Variants in ANKRD52 observed in about 807,000 individuals in gnomAD.
The protein encoded by ANKRD52 is ankyrin repeat domain 52.
ANKRD52 carries 7 observed loss-of-function variants against 116.0 expected under a neutral mutation model. That is an observed-to-expected ratio of 0.06 (90% CI 0.03 to 0.11). ANKRD52 has a LOEUF of 0.11. Ranked by LOEUF, ANKRD52 falls within the 10% of genes least tolerant of loss-of-function variation. The probability of loss-of-function intolerance (pLI) is 1.00; values close to 1 mark genes in which losing one functional copy is unlikely to be tolerated. For missense variants in ANKRD52, 839 were observed against 1,408.6 expected, an observed-to-expected ratio of 0.60 and a Z score of 6.47; for synonymous variants, 528 against 578.1, an observed-to-expected ratio of 0.91 and a Z score of 1.24.
At position 56,245,002 on chromosome 12, in the gene ANKRD52, G is replaced by A. The variant is rs1476332393; in HGVS notation, c.2493-13C>T. 9.3e-6 allele frequency: 15 copies of A among 1,613,800 alleles called. No individual in the cohort carries two copies. The highest frequency in any genetic ancestry group is 1.3e-5 in the Non-Finnish European group (15 of 1,179,766). On this transcript the variant is annotated splice_polypyrimidine_tract_variant and intron_variant, in intron 22 of 27. Transcript: ENST00000267116. ...TTGGTTATTAATCCTAGAGGAAGAG[G>A]GAGGAGGGGTCATCAGGAAGGACAA...
Position 56,244,642 on chromosome 12 carries a change from C to T in ANKRD52, c.2722+10G>A. 2 of 1,613,428 alleles carry T rather than the reference C, an allele frequency of 1.2e-6. No homozygotes were observed. Among genetic ancestry groups the T allele is most frequent in the Non-Finnish European group, 1.7e-6 (2 of 1,179,820 alleles). On this transcript the variant is annotated intron_variant, in intron 24 of 27. Coordinates refer to ENST00000267116, the MANE Select transcript of ANKRD52 (RefSeq NM_173595.4). This position sits in a 1 kb window ranked among gnomAD's most constrained non-coding sequence, Gnocchi z 4.9. Reference sequence around the variant, plus strand: ...GGAGCTCCTCCCTTCCACAAGTGGCCCCTACACACCCACAGCAGCGGTCTG... The same window carrying T: ...GGAGCTCCTCCCTTCCACAAGTGGCTCCTACACACCCACAGCAGCGGTCTG...
Position 56,239,473 on chromosome 12 carries a change from G to A in ANKRD52, c.*3669C>T, listed in dbSNP as rs1011746192. On this transcript the variant is annotated 3_prime_UTR_variant, in exon 28 of 28. Coordinates refer to ENST00000267116, the MANE Select transcript of ANKRD52 (RefSeq NM_173595.4). ...AGGGTTTCTGGGCTAGGGTCTGTAA[G>A]GCTATTTTCCTTTGCGGTGGGAAGG... is the stretch of plus-strand genomic sequence containing the variant. The A allele has an allele frequency of 6.6e-6, 1 of 152,256 alleles. No homozygotes were observed. The highest frequency in any genetic ancestry group is 6.5e-5 in the Admixed American group (1 of 15,274). 9.4% of individuals were successfully genotyped at this position (152,256 alleles called of 1,614,324 possible).
Position 56,253,930 on chromosome 12 carries a change from T to C in ANKRD52, c.907-130A>G, listed in dbSNP as rs1014822679. The stretch of plus-strand genomic sequence containing the variant: ...CATATGGCACCTTCTTAGCCCACTC[T>C]TTCCTGAGTCCCTGGCAAGGTCTGA... On this transcript the variant is annotated intron_variant, in intron 8 of 27. Transcript: ENST00000267116. This position sits in a 1 kb window ranked among gnomAD's most constrained non-coding sequence, Gnocchi z 5.5. 73 of 1,334,408 alleles carry C rather than the reference T, an allele frequency of 5.5e-5. No individual in the cohort carries two copies. Among genetic ancestry groups the C allele is most frequent in the Non-Finnish European group, 6.9e-5 (66 of 955,782 alleles). 82.7% of individuals were successfully genotyped at this position (1,334,408 alleles called of 1,614,324 possible). A position where few individuals can be genotyped will look rare whatever the true frequency, so the allele number is the denominator to read the frequency against.
chr12:56,245,665 C>T (rs983180675), intron 20 of ANKRD52, 69 bp from the exon 21 acceptor site: 18 of 1,359,500 alleles, frequency 1.3e-5, no homozygotes, highest in Non-Finnish European at 1.7e-5. Context: ...TTGCTGGAGT[C>T]TGGCTCAGGA....
In ANKRD52 at chr12:56,248,542, G is replaced by A; in HGVS notation, c.1729C>T (p.Leu577=). The change falls in exon 17 of 28, where the codon CTG becomes TTG. Residue 577 remains leucine (L), a synonymous_variant. Transcript: ENST00000267116. This position sits in a 1 kb window ranked among gnomAD's most constrained non-coding sequence, Gnocchi z 5.1. ...ELLLEMSFNC[L]EDVESTIPVS... ...GGAATGGTGCTCTCCACATCCTCCAGGCAGTTAAAGGACATTTCTAAGAGC... is the reference window on the plus strand; with the variant it reads ...GGAATGGTGCTCTCCACATCCTCCAAGCAGTTAAAGGACATTTCTAAGAGC... 1.3e-6 allele frequency: 2 copies of A among 1,595,496 alleles called. No individual in the cohort carries two copies. Among genetic ancestry groups the A allele is most frequent in the Non-Finnish European group, 1.7e-6 (2 of 1,171,040 alleles).
Sources: allele counts gnomAD v4.1 joint callset, GRCh38; gene constraint gnomAD v4.1.1; non-coding constraint Gnocchi (gnomAD v3.1); transcripts MANE v1.5; gene names NCBI Gene and HGNC (gene_info 2026-07-23, HGNC 2026-07-21).